CEP63: variants seen among roughly 807,000 people sequenced by gnomAD.
CEP63 encodes the protein centrosomal protein of 63 kDa.
Under a neutral mutation model 89.1 loss-of-function variants are expected in CEP63, and 84 were observed. The observed-to-expected ratio is 0.94, with a 90% CI of 0.79 to 1.13. The LOEUF is 1.13. Among genes scored for constraint, CEP63 ranks in the 50% most tolerant of loss-of-function variants. The pLI is 0.00. For missense variants in CEP63, 838 were observed against 813.3 expected, an observed-to-expected ratio of 1.03 and a Z score of -0.37; for synonymous variants, 267 against 272.5, an observed-to-expected ratio of 0.98 and a Z score of 0.20.
intron 3 of CEP63, among the ~76,000 whole-genome samples, chr3:134,520,707 A>G (rs1430089209): frequency 1.3e-5 from 2 of 152,160 alleles, no homozygotes; most frequent in Non-Finnish European, 2.9e-5. Context: ...GAACAGAATA[A>G]AGAGTCCCGT....
chr3:134,564,615 C>T lies in CEP63; in HGVS notation c.*3080C>T. On this transcript the variant is annotated 3_prime_UTR_variant, in exon 15 of 15. Transcript: ENST00000675561. ...CCATTCAAGGCTTCATTGTATTTAT[C>T]AGTAAAACTGAAATAATATCTAATG... The T allele has an allele frequency of 1.3e-5, 13 of 985,392 alleles. No homozygotes were observed. Among genetic ancestry groups the T allele is most frequent in the Non-Finnish European group, 1.6e-5 (13 of 829,914 alleles). 61.0% of individuals were successfully genotyped at this position (985,392 alleles called of 1,614,324 possible).
the CEP63 span, chr3:134,619,000 A>G: frequency 1.1e-5 from 7 of 643,972 alleles, no homozygotes; most frequent in Non-Finnish European, 2.0e-5. Context: ...AAAGGGAGAA[A>G]TTGACCTTTT....
the CEP63 span, among the ~76,000 whole-genome samples, chr3:134,756,543 G>T: frequency 6.6e-6 from 1 of 152,106 alleles, no homozygotes. Flanking sequence ...TTTTAGACAT[G>T]GGGTTTTGAC....
the CEP63 span, among the ~76,000 whole-genome samples, chr3:134,771,001 A>T: frequency 2.0e-5 from 3 of 152,216 alleles, no homozygotes; most frequent in Admixed American, 6.5e-5. Context: ...TTTGACAGGA[A>T]ATTTCAATCC....
chr3:134,538,071 C>G (rs958052707), intron 6 of CEP63, among the ~76,000 whole-genome samples: 7 of 152,018 alleles, frequency 4.6e-5, no homozygotes, highest in African/African-American at 1.7e-4. Context: ...ATGTGCTAGA[C>G]ATTGACCCAG....
the CEP63 span, among the ~76,000 whole-genome samples, chr3:134,777,483 G>T: frequency 2.0e-5 from 3 of 151,680 alleles, no homozygotes; most frequent in Non-Finnish European, 4.4e-5. Flanking sequence ...TACTGGACTT[G>T]TCTAATTAAC....
At chr3:134,609,343 C>A in the CEP63 span, among the ~76,000 whole-genome samples, 2 of 152,068 alleles carry the variant, frequency 1.3e-5, no homozygotes, top group African/African-American at 4.8e-5. Context: ...AACAGAGAGG[C>A]CCTTCCTGAG....
At chr3:134,605,643 C>T in the CEP63 span, among the ~76,000 whole-genome samples, 11 of 152,244 alleles carry the variant, frequency 7.2e-5, no homozygotes, top group South Asian at 2.1e-4. Flanking sequence ...CTGCCCACTC[C>T]GCACCTGCCC....
chr3:134,568,359 G>A (rs1957872000), downstream of CEP63, among the ~76,000 whole-genome samples: 1 of 152,188 alleles, frequency 6.6e-6, no homozygotes, highest in Admixed American at 6.5e-5. Flanking sequence ...AAACAAGACC[G>A]GAAGTGTTAT....
At chr3:134,523,330 T>G (rs1947905057) in intron 3 of CEP63, among the ~76,000 whole-genome samples, 1 of 152,212 alleles carries the variant, frequency 6.6e-6, no homozygotes, top group Non-Finnish European at 1.5e-5. Flanking sequence ...TTGCAAAAGT[T>G]TTCTTCCATT....
chr3:134,738,978 A>C, the CEP63 span, among the ~76,000 whole-genome samples: 1 of 151,860 alleles, frequency 6.6e-6, no homozygotes, highest in East Asian at 1.9e-4. Flanking sequence ...AAAAAAAAAA[A>C]AACCCAGATA....
At chr3:134,682,649 CAGCCTGCATTG>C in the CEP63 span, among the ~76,000 whole-genome samples, 2 of 152,212 alleles carry the variant, frequency 1.3e-5, no homozygotes, top group Admixed American at 1.3e-4. Context: ...AGCAACCATT[CAGCCTGCATTG>C]AGGAGTCTAT....
At chr3:134,733,564 C>A in the CEP63 span, among the ~76,000 whole-genome samples, 1 of 151,998 alleles carries the variant, frequency 6.6e-6, no homozygotes, top group African/African-American at 2.4e-5. Flanking sequence ...GGCCCTTAAC[C>A]CAATATGACA....
Position 134,528,088 on chromosome 3 carries a change from C to T in CEP63, c.223-3757C>T, listed in dbSNP as rs141229311. ...GGCGAGAGGTTCCAGAGGCCCGTGG[C>T]AAGAGTGGGTTGCTCCTTGCTAGTT... On this transcript the variant is annotated intron_variant, in intron 3 of 14. Transcript: ENST00000675561. Among the ~76,000 whole-genome samples, 177 of 152,262 alleles carry T rather than the reference C, an allele frequency of 1.2e-3. 1 individual carries two copies. Among genetic ancestry groups the T allele is most frequent in the African/African-American group, 4.1e-3 (170 of 41,560 alleles).
chr3:134,756,945 G>A, the CEP63 span, among the ~76,000 whole-genome samples: 3 of 152,168 alleles, frequency 2.0e-5, no homozygotes, highest in East Asian at 5.8e-4. Context: ...CAACGGCAGA[G>A]AATCTTGTAG....
the CEP63 span, among the ~76,000 whole-genome samples, chr3:134,699,973 G>T: frequency 6.6e-6 from 1 of 152,244 alleles, no homozygotes; most frequent in Non-Finnish European, 1.5e-5. Context: ...GTGAGGCCAT[G>T]AGATGCCAAG....
At chr3:134,732,776 A>C in the CEP63 span, among the ~76,000 whole-genome samples, 3 of 152,214 alleles carry the variant, frequency 2.0e-5, no homozygotes, top group African/African-American at 7.2e-5. Flanking sequence ...ACATAAAAGA[A>C]AATTAAATAA....
At chr3:134,696,400 GACAGTGAGTGTAACAGGAGCCA>G in the CEP63 span, among the ~76,000 whole-genome samples, 18 of 152,334 alleles carry the variant, frequency 1.2e-4, no homozygotes, top group East Asian at 3.3e-3. Context: ...GCTGTTGGTT[GACAGTGAGTGTAACAGGAGCCA>G]ACAGTGCCTG....
At chr3:134,689,696 C>T in the CEP63 span, among the ~76,000 whole-genome samples, 1 of 152,092 alleles carries the variant, frequency 6.6e-6, no homozygotes, top group Non-Finnish European at 1.5e-5. Context: ...TCAAGTGATC[C>T]ACCCACCTCA....
Sources: gnomAD v4.1 joint callset for allele counts (sites outside exome capture counted in the v4.1 genomes callset) on GRCh38, gnomAD v4.1.1 for gene constraint, MANE v1.5 for transcripts, NCBI Gene and HGNC (gene_info 2026-07-23, HGNC 2026-07-21) for gene names.